Variants in LRP1B observed in about 807,000 individuals in gnomAD.
LRP1B encodes LDL receptor related protein 1B.
LRP1B carries 217 observed loss-of-function variants against 556.6 expected under a neutral mutation model. The observed-to-expected ratio is 0.39, with a 90% CI of 0.35 to 0.44. The LOEUF (loss-of-function observed/expected upper bound fraction) is 0.44. LRP1B is among the 20% of genes least tolerant of loss of function. The pLI is 1.00. For synonymous variants in LRP1B, 2,047 were observed against 1,865.8 expected, an observed-to-expected ratio of 1.10 and a Z score of -2.50; for missense variants, 5,053 against 5,620.8, an observed-to-expected ratio of 0.90 and a Z score of 3.23.
chr2:141,372,215 G>A (rs1371424944), intron 3 of LRP1B, among the ~76,000 whole-genome samples: 1 of 151,974 alleles, frequency 6.6e-6, no homozygotes, highest in Non-Finnish European at 1.5e-5. Flanking sequence ...AATCATCCTT[G>A]CATCTCTAAG....
intron 3 of LRP1B, among the ~76,000 whole-genome samples, chr2:141,445,851 T>C (rs550145663): frequency 6.6e-6 from 1 of 152,300 alleles, no homozygotes; most frequent in South Asian, 2.1e-4. Context: ...TGTGGTGAAT[T>C]TTAGAATAAG....
chr2:141,314,365 A>T (rs1422110268), intron 3 of LRP1B, among the ~76,000 whole-genome samples: 1 of 152,240 alleles, frequency 6.6e-6, no homozygotes, highest in East Asian at 1.9e-4. Context: ...ATATAATTTT[A>T]AATGAATTAC....
At chr2:142,076,874 T>C (rs10176462) in intron 1 of LRP1B, among the ~76,000 whole-genome samples, 3,489 of 152,188 alleles carry the variant, frequency 0.023, 56 homozygotes, top group African/African-American at 0.039. Flanking sequence ...TTTCCTAAAA[T>C]GTATATATAT....
chr2:141,078,833 C>T (rs1429861505), intron 7 of LRP1B, among the ~76,000 whole-genome samples: 2 of 152,108 alleles, frequency 1.3e-5, no homozygotes, highest in East Asian at 3.9e-4. Context: ...AATTGTAGTG[C>T]TAATTGTAGC....
At chr2:141,646,883 G>C (rs769173693) in intron 2 of LRP1B, among the ~76,000 whole-genome samples, 1 of 152,170 alleles carries the variant, frequency 6.6e-6, no homozygotes, top group Non-Finnish European at 1.5e-5. Flanking sequence ...GTGGAGACTA[G>C]AGTCAGTCAA....
chr2:141,581,336 A>G (rs72855428), intron 2 of LRP1B, among the ~76,000 whole-genome samples: 34,813 of 152,050 alleles, frequency 0.23, 4,955 homozygotes, highest in East Asian at 0.49. Flanking sequence ...AAGCTCCCCA[A>G]TGACTTTTCC....
intron 67 of LRP1B, among the ~76,000 whole-genome samples, chr2:140,382,434 A>G (rs1683557354): frequency 6.6e-6 from 1 of 152,162 alleles, no homozygotes; most frequent in South Asian, 2.1e-4. Flanking sequence ...AAGATATTAT[A>G]GATATGTTGA....
chr2:141,030,459 A>C (rs754045298), intron 11 of LRP1B, among the ~76,000 whole-genome samples: 45 of 152,174 alleles, frequency 3.0e-4, no homozygotes, highest in Non-Finnish European at 5.6e-4. Context: ...ATTACAAATA[A>C]CTTAATAGCT....
At chr2:141,212,247 AGATTTTTTTTTTTTTTTTTTTTTTT>A in intron 6 of LRP1B, among the ~76,000 whole-genome samples, 1 of 79,546 alleles carries the variant, frequency 1.3e-5, no homozygotes, top group Admixed American at 1.4e-4. Context: ...CAAAAAGTCT[AGATTTTTTTTTTTTTTTTTTTTTTT>A]TTTTTTTTTT....
intron 3 of LRP1B, among the ~76,000 whole-genome samples, chr2:141,335,433 G>C (rs377349498): frequency 6.6e-6 from 1 of 152,186 alleles, no homozygotes; most frequent in Non-Finnish European, 1.5e-5. Flanking sequence ...TATTATGGCA[G>C]AGAAGGCTGA....
intron 43 of LRP1B, among the ~76,000 whole-genome samples, chr2:140,580,639 A>T (rs1363290910): frequency 6.6e-6 from 1 of 152,204 alleles, no homozygotes; most frequent in African/African-American, 2.4e-5. Flanking sequence ...AAGAATGAGG[A>T]AATGCGGATG....
chr2:141,546,843 C>T (rs1685572907), intron 2 of LRP1B, among the ~76,000 whole-genome samples: 1 of 152,184 alleles, frequency 6.6e-6, no homozygotes, highest in Admixed American at 6.6e-5. Flanking sequence ...CTGTTCTCTT[C>T]AGATTCTCTT....
intron 20 of LRP1B, among the ~76,000 whole-genome samples, chr2:140,924,201 T>C (rs777897260): frequency 1.3e-5 from 2 of 151,976 alleles, no homozygotes; most frequent in Non-Finnish European, 2.9e-5. Flanking sequence ...TAGATATCTA[T>C]GGTTATAAAT....
At chr2:141,246,339 G>A (rs541755672) in intron 5 of LRP1B, among the ~76,000 whole-genome samples, 4 of 152,276 alleles carry the variant, frequency 2.6e-5, no homozygotes, top group African/African-American at 9.6e-5. Context: ...ACACAAGTGT[G>A]CTGGCATTGA....
chr2:141,110,209 T>C (rs1367595600), intron 7 of LRP1B, among the ~76,000 whole-genome samples: 1 of 152,130 alleles, frequency 6.6e-6, no homozygotes, highest in Non-Finnish European at 1.5e-5. Context: ...AGGCATTTCA[T>C]GTGGGTGGGT....
chr2:140,605,404 C>T (rs1445646360), intron 41 of LRP1B, among the ~76,000 whole-genome samples: 1 of 152,132 alleles, frequency 6.6e-6, no homozygotes, highest in African/African-American at 2.4e-5. Context: ...GAACTCTTTA[C>T]AAATAGTACA....
chr2:141,084,946 G>A (rs1246036776), intron 7 of LRP1B, among the ~76,000 whole-genome samples: 3 of 152,090 alleles, frequency 2.0e-5, no homozygotes, highest in Non-Finnish European at 4.4e-5. Context: ...ACCGCGCCCG[G>A]CCTCTCTTTC....
chr2:141,966,163 T>C (rs1701560865), intron 1 of LRP1B, among the ~76,000 whole-genome samples: 1 of 151,882 alleles, frequency 6.6e-6, no homozygotes, highest in African/African-American at 2.4e-5. Context: ...TCAGTGACTA[T>C]TTGAGCACCT....
At position 141,014,592 on chromosome 2, in the gene LRP1B, A is replaced by G. The variant is rs538251969; in HGVS notation, c.2191-847T>C. ...TTAGAGAATTGAGAAAATTATCTAA[A>G]TAATTTAGGGTCATAAATTTAAATT... is the stretch of plus-strand genomic sequence containing the variant. On this transcript the variant is annotated intron_variant, in intron 13 of 90. Coordinates refer to ENST00000389484, the MANE Select transcript of LRP1B (RefSeq NM_018557.3). Among the ~76,000 whole-genome samples, 62 of 152,204 alleles carry G rather than the reference A, an allele frequency of 4.1e-4. 1 individual carries two copies. The highest frequency in any genetic ancestry group is 1.2e-3 in the African/African-American group (50 of 41,570).
Sources: gnomAD v4.1 joint callset for allele counts (sites outside exome capture counted in the v4.1 genomes callset) on GRCh38, gnomAD v4.1.1 for gene constraint, MANE v1.5 for transcripts, NCBI Gene and HGNC (gene_info 2026-07-23, HGNC 2026-07-21) for gene names.